KDM4C: variants seen among roughly 807,000 people sequenced by gnomAD.
KDM4C encodes lysine-specific demethylase 4C.
A neutral mutation model predicts 129.3 loss-of-function variants in KDM4C; 81 were observed. That is an observed-to-expected ratio of 0.63 (90% CI 0.52 to 0.75). The LOEUF is 0.75. Ranked by LOEUF, KDM4C falls within the 30% of genes least tolerant of loss-of-function variation. The pLI is 0.00. For synonymous variants in KDM4C, 573 were observed against 456.1 expected, an observed-to-expected ratio of 1.26 and a Z score of -3.26; for missense variants, 1,457 against 1,304.0, an observed-to-expected ratio of 1.12 and a Z score of -1.81.
At chr9:7,041,950 A>AT (rs1564029075) in intron 15 of KDM4C, among the ~76,000 whole-genome samples, 1 of 151,892 alleles carries the variant, frequency 6.6e-6, no homozygotes, top group East Asian at 1.9e-4. Context: ...CTCCACTTCT[A>AT]TTTCTTGCTT....
At chr9:6,894,718 G>A (rs929144902) in intron 8 of KDM4C, among the ~76,000 whole-genome samples, 12 of 152,186 alleles carry the variant, frequency 7.9e-5, no homozygotes, top group African/African-American at 2.7e-4. Context: ...TAGAGTGGGT[G>A]TGGAGTGGAA....
chr9:6,900,584 G>A lies in KDM4C; in HGVS notation c.921+7352G>A, dbSNP rs535800020. Among the ~76,000 whole-genome samples, 210 of 152,288 alleles carry A rather than the reference G, an allele frequency of 1.4e-3. 1 individual carries two copies. Among genetic ancestry groups the A allele is most frequent in the Middle Eastern group, 3.4e-3 (1 of 294 alleles). The stretch of plus-strand genomic sequence containing the variant: ...CAGGAGTTCAAGGTTACAGTGAGCC[G>A]TGATCACACCACTGCACTCCAGCCT... On this transcript the variant is annotated intron_variant, in intron 8 of 21. Coordinates refer to ENST00000381309, the MANE Select transcript of KDM4C (RefSeq NM_015061.6).
At chr9:6,924,314 G>T (rs557140241) in intron 8 of KDM4C, among the ~76,000 whole-genome samples, 3 of 152,230 alleles carry the variant, frequency 2.0e-5, no homozygotes, top group African/African-American at 7.2e-5. Flanking sequence ...AGTCCACTTT[G>T]CCCTAGTCTC....
chr9:7,149,461 A>G (rs1041914761), intron 19 of KDM4C, among the ~76,000 whole-genome samples: 2 of 152,212 alleles, frequency 1.3e-5, no homozygotes, highest in Admixed American at 6.5e-5. Flanking sequence ...ACCTGGGAGC[A>G]TGGGCTCCCG....
chr9:6,812,723 G>T (rs1831389476), intron 3 of KDM4C, among the ~76,000 whole-genome samples: 1 of 152,072 alleles, frequency 6.6e-6, no homozygotes, highest in South Asian at 2.1e-4. Flanking sequence ...CCCATTCTCC[G>T]GGAAATAGGG....
intron 15 of KDM4C, among the ~76,000 whole-genome samples, chr9:7,041,817 G>A (rs1469635550): frequency 6.6e-6 from 1 of 152,032 alleles, no homozygotes; most frequent in African/African-American, 2.4e-5. Flanking sequence ...GGGCGCTGAG[G>A]AGATTCTGAA....
intron 17 of KDM4C, among the ~76,000 whole-genome samples, chr9:7,095,611 TTAAC>T (rs1391048768): frequency 6.6e-6 from 1 of 152,190 alleles, no homozygotes; most frequent in Non-Finnish European, 1.5e-5. Flanking sequence ...GTCCTTTAAT[TTAAC>T]TAATGTGAAT....
At chr9:6,834,538 G>T in intron 4 of KDM4C, 1 of 678,028 alleles carries the variant, frequency 1.5e-6, no homozygotes, top group Non-Finnish European at 2.8e-6. Context: ...GATGACCCCC[G>T]GCCGTCTTCC....
chr9:7,056,220 G>C (rs1002178514), intron 17 of KDM4C, among the ~76,000 whole-genome samples: 1 of 152,128 alleles, frequency 6.6e-6, no homozygotes, highest in South Asian at 2.1e-4. Context: ...CACGGTTGTG[G>C]TATGGTATGT....
chr9:6,844,112 C>T (rs150159420), intron 4 of KDM4C, among the ~76,000 whole-genome samples: 335 of 152,308 alleles, frequency 2.2e-3, no homozygotes, highest in African/African-American at 7.6e-3. Flanking sequence ...GCTGGTATTA[C>T]AGGCATAAAC....
chr9:6,739,490 C>G (rs1035132014), intron 1 of KDM4C, among the ~76,000 whole-genome samples: 1 of 152,144 alleles, frequency 6.6e-6, no homozygotes, highest in South Asian at 2.1e-4. Flanking sequence ...TAAGGCTTCA[C>G]TCCTGGACAC....
At position 6,732,420 on chromosome 9, in the gene KDM4C, TGG is replaced by T. The variant is rs529620120; in HGVS notation, c.49+11424_49+11425del. The stretch of plus-strand genomic sequence containing the variant: ...AAAAAAAGAATGAGGCCGGAAGTTG[TGG>T]CTCACACACCTGTATATAATCCCAG... On this transcript the variant is annotated intron_variant, in intron 1 of 17. Coordinates refer to the KDM4C transcript ENST00000536108. 4.4e-5 allele frequency among the ~76,000 whole-genome samples: 6 copies of T among 136,068 alleles called. No individual in the cohort carries two copies. In the East Asian group the frequency reaches 1.2e-3, roughly 26 times the overall value. The allele number at this position is 136,068 out of a possible 152,430, so 89.3% of individuals were successfully genotyped here.
intron 4 of KDM4C, among the ~76,000 whole-genome samples, chr9:6,826,369 C>T (rs1439958135): frequency 6.6e-6 from 1 of 151,898 alleles, no homozygotes; most frequent in Non-Finnish European, 1.5e-5. Context: ...AAATGAAAAT[C>T]ATTCATAATC....
intron 18 of KDM4C, among the ~76,000 whole-genome samples, chr9:7,126,850 G>A (rs1481024494): frequency 2.0e-5 from 3 of 150,838 alleles, no homozygotes; most frequent in Admixed American, 1.3e-4. Flanking sequence ...AAGAACTGCT[G>A]TTAAAAAAAA....
At chr9:7,136,579 A>G (rs1402438089) in intron 19 of KDM4C, among the ~76,000 whole-genome samples, 1 of 152,232 alleles carries the variant, frequency 6.6e-6, no homozygotes, top group African/African-American at 2.4e-5. Flanking sequence ...CTATTGACTA[A>G]TGATTTGAGC....
chr9:7,116,429 T>G (rs1838904686), intron 18 of KDM4C, among the ~76,000 whole-genome samples: 1 of 69,258 alleles, frequency 1.4e-5, no homozygotes, highest in Admixed American at 1.4e-4. Context: ...TATATGGACC[T>G]TAGGTGATCA....
At chr9:6,993,999 G>A (rs1052808282) in intron 12 of KDM4C, among the ~76,000 whole-genome samples, 2 of 152,040 alleles carry the variant, frequency 1.3e-5, no homozygotes, top group Admixed American at 1.3e-4. Flanking sequence ...CACTGGTTTT[G>A]TAGAAGACAG....
At chr9:6,955,778 A>T (rs1224406086) in intron 8 of KDM4C, among the ~76,000 whole-genome samples, 2 of 152,216 alleles carry the variant, frequency 1.3e-5, no homozygotes, top group Non-Finnish European at 2.9e-5. Context: ...CTCTGTATCA[A>T]AGTGTCTCAG....
chr9:7,172,024 C>T (rs1260005885), intron 21 of KDM4C, among the ~76,000 whole-genome samples: 1 of 152,122 alleles, frequency 6.6e-6, no homozygotes, highest in Non-Finnish European at 1.5e-5. Context: ...CTGTTTCTCC[C>T]CTGGGTTGGT....
Sources: gnomAD v4.1 joint callset for allele counts (sites outside exome capture counted in the v4.1 genomes callset) on GRCh38, gnomAD v4.1.1 for gene constraint, MANE v1.5 for transcripts, NCBI Gene and HGNC (gene_info 2026-07-23, HGNC 2026-07-21) for gene names.